Variants in GRIN2A observed in about 807,000 individuals in gnomAD.
GRIN2A encodes glutamate receptor ionotropic, NMDA 2A.
Under a neutral mutation model 113.4 loss-of-function variants are expected in GRIN2A, and 22 were observed. The observed-to-expected ratio is 0.19, with a 90% CI of 0.14 to 0.28. The LOEUF (loss-of-function observed/expected upper bound fraction) is 0.28, where lower values mean the gene tolerates loss of function less well. Ranked by LOEUF, GRIN2A falls within the 10% of genes least tolerant of loss-of-function variation. The pLI, the probability that GRIN2A is intolerant of heterozygous loss-of-function variation, is 1.00. For missense variants in GRIN2A, 1,502 were observed against 1,887.0 expected (o/e 0.80, Z 3.78); for synonymous variants, 827 against 738.4 (o/e 1.12, Z -1.94).
chr16:10,065,197 G>A (rs918515616), intron 2 of GRIN2A, among the ~76,000 whole-genome samples: 10 of 152,154 alleles, frequency 6.6e-5, no homozygotes, highest in African/African-American at 1.9e-4. Context: ...GCATCAGTTG[G>A]GAGAATTATT....
At chr16:9,859,679 T>C (rs2043030482) in intron 4 of GRIN2A, among the ~76,000 whole-genome samples, 1 of 151,060 alleles carries the variant, frequency 6.6e-6, no homozygotes, top group South Asian at 2.1e-4. Flanking sequence ...GCATACACTT[T>C]TCACAAAACA....
intron 12 of GRIN2A, among the ~76,000 whole-genome samples, chr16:9,767,516 CAA>C (rs1191032030): frequency 2.0e-5 from 3 of 150,768 alleles, no homozygotes; most frequent in Admixed American, 1.3e-4. Context: ...TGTTTTTAAC[CAA>C]AGAGTTTTCA....
intron 10 of GRIN2A, among the ~76,000 whole-genome samples, chr16:9,802,349 A>G (rs1350674456): frequency 6.6e-6 from 1 of 152,348 alleles, no homozygotes; most frequent in East Asian, 1.9e-4. Context: ...ATGGAATACT[A>G]TGCAGCCATG....
At chr16:10,162,084 A>T (rs1467540497) in intron 2 of GRIN2A, among the ~76,000 whole-genome samples, 4 of 152,134 alleles carry the variant, frequency 2.6e-5, no homozygotes, top group Non-Finnish European at 5.9e-5. Flanking sequence ...GGTGGTGGGG[A>T]CATGATTCTG....
intron 4 of GRIN2A, among the ~76,000 whole-genome samples, chr16:9,853,535 C>G (rs1299741320): frequency 6.6e-6 from 1 of 152,154 alleles, no homozygotes; most frequent in South Asian, 2.1e-4. Flanking sequence ...TTCCCAGTCT[C>G]CAGAAGCATG....
chr16:9,888,194 G>T (rs2043623804), intron 4 of GRIN2A, among the ~76,000 whole-genome samples: 1 of 152,120 alleles, frequency 6.6e-6, no homozygotes, highest in Admixed American at 6.5e-5. Context: ...ACCTGCCTTG[G>T]CCTCCCAAAG....
rs9924226 is a variant in GRIN2A at position 10,104,578 on chromosome 16, G to A, written c.414+75420C>T. On this transcript the variant is annotated intron_variant, in intron 2 of 12. Coordinates refer to ENST00000330684, the MANE Select transcript of GRIN2A (RefSeq NM_001134407.3). ...AAAGCTTGCACGAGCACAATTTTAC[G>A]TGGTTATGGGAAGGAATGGTGTTCT... is the stretch of plus-strand genomic sequence containing the variant. Among the ~76,000 whole-genome samples the A allele has an allele frequency of 8.5e-5, 13 of 152,100 alleles. No individual in the cohort carries two copies. In the East Asian group the frequency reaches 1.6e-3, roughly 18 times the overall value.
At chr16:10,136,973 C>A (rs1260103513) in intron 2 of GRIN2A, among the ~76,000 whole-genome samples, 8 of 152,142 alleles carry the variant, frequency 5.3e-5, no homozygotes, top group Non-Finnish European at 2.9e-5. Context: ...GGCAACTGGG[C>A]CTTAAGATCA....
At chr16:9,992,229 T>C (rs1237119074) in intron 2 of GRIN2A, among the ~76,000 whole-genome samples, 1 of 152,146 alleles carries the variant, frequency 6.6e-6, no homozygotes, top group Admixed American at 6.5e-5. Context: ...AGGGAATCAA[T>C]CCAAGTTGCA....
rs373239575 is a variant in GRIN2A, at chr16:9,891,051, C to T, written c.1057G>A (p.Glu353Lys). Residue 353 changes from glutamate to lysine, a missense_variant, in exon 4 of 13, where the codon GAA becomes AAA. By Grantham distance (56) the Glu-to-Lys change is moderately conservative. Coordinates refer to ENST00000330684, the MANE Select transcript of GRIN2A (RefSeq NM_001134407.3). Reference sequence around the variant, plus strand: ...AGCCTGGGGTGCACCTGGTAGCCTTCCTCAGTGAAGGATAAGTCTTTGCCA... The same window carrying T: ...AGCCTGGGGTGCACCTGGTAGCCTTTCTCAGTGAAGGATAAGTCTTTGCCA... ...WDGKDLSFTE[E>K]GYQVHPRLVV... 1.4e-5 allele frequency: 22 copies of T among 1,613,410 alleles called. No individual in the cohort carries two copies. The African/African-American group carries it at 2.8e-4, about 21-fold the overall frequency.
chr16:9,778,022 G>A (rs985053720), intron 11 of GRIN2A, among the ~76,000 whole-genome samples: 9 of 152,122 alleles, frequency 5.9e-5, no homozygotes, highest in Non-Finnish European at 7.4e-5. Flanking sequence ...CTGAGATCGC[G>A]CCATTGCACT....
chr16:10,062,809 G>T (rs1000779449), intron 2 of GRIN2A, among the ~76,000 whole-genome samples: 3 of 151,742 alleles, frequency 2.0e-5, no homozygotes, highest in African/African-American at 7.3e-5. Context: ...AGGTTGCTGT[G>T]AGCAGAGATT....
intron 2 of GRIN2A, among the ~76,000 whole-genome samples, chr16:10,053,021 C>T (rs1474297059): frequency 2.0e-5 from 3 of 147,248 alleles, no homozygotes; most frequent in East Asian, 3.9e-4. Context: ...GCACTCCAGC[C>T]TGGGCAACAG....
chr16:9,917,336 G>A (rs779516640), intron 3 of GRIN2A, among the ~76,000 whole-genome samples: 6 of 152,334 alleles, frequency 3.9e-5, no homozygotes, highest in Admixed American at 1.3e-4. Context: ...GTCATGCTCT[G>A]TTGTTTTCAC....
chr16:10,179,762 C>CA, intron 2 of GRIN2A: 1 of 568,350 alleles, frequency 1.8e-6, no homozygotes, highest in Non-Finnish European at 3.2e-6. Context: ...CTGGCACACA[C>CA]ACACCAAAGT....
At chr16:9,970,064 G>A (rs1027222751) in intron 2 of GRIN2A, among the ~76,000 whole-genome samples, 8 of 152,204 alleles carry the variant, frequency 5.3e-5, no homozygotes, top group Admixed American at 1.3e-4. Context: ...CAACCTTGAC[G>A]TCAAAGAAAT....
chr16:9,753,824 C>G lies in GRIN2A; in HGVS notation c.*9325G>C, dbSNP rs117836220. 207 of 180,624 alleles carry G rather than the reference C, an allele frequency of 1.1e-3. 3 individuals are homozygous for G. The East Asian group carries it at 0.018, about 16-fold the overall frequency. The allele number at this position is 180,624 out of a possible 1,614,324, so 11.2% of individuals were successfully genotyped here. A position where few individuals can be genotyped will look rare whatever the true frequency, so the allele number is the denominator to read the frequency against. On this transcript the variant is annotated 3_prime_UTR_variant, in exon 13 of 13. Coordinates refer to ENST00000330684, the MANE Select transcript of GRIN2A (RefSeq NM_001134407.3). Reference sequence around the variant, plus strand: ...ACAGCTTGCTTTCAGCTCCACCATACAAGACATCAAGTCAGTTCTGATGTG... The same window carrying G: ...ACAGCTTGCTTTCAGCTCCACCATAGAAGACATCAAGTCAGTTCTGATGTG...
At chr16:9,862,502 G>T (rs1596510908) in intron 4 of GRIN2A, among the ~76,000 whole-genome samples, 2 of 152,292 alleles carry the variant, frequency 1.3e-5, no homozygotes, top group South Asian at 4.1e-4. Flanking sequence ...GCCAACAGGG[G>T]AAGAGCTCAA....
intron 2 of GRIN2A, among the ~76,000 whole-genome samples, chr16:10,081,912 C>T (rs946431914): frequency 3.9e-5 from 6 of 152,214 alleles, no homozygotes; most frequent in African/African-American, 1.4e-4. Context: ...AGCTCAAGGG[C>T]TCCAAGTAGA....
Sources: allele counts gnomAD v4.1 joint callset (sites outside exome capture counted in the v4.1 genomes callset), GRCh38; gene constraint gnomAD v4.1.1; transcripts MANE v1.5; gene names NCBI Gene and HGNC (gene_info 2026-07-23, HGNC 2026-07-21).